Variants in PRIM2 observed in about 807,000 individuals in gnomAD.
PRIM2 encodes DNA primase large subunit.
Under a neutral mutation model 67.3 loss-of-function variants are expected in PRIM2, and 39 were observed. The observed-to-expected ratio is 0.58, with a 90% CI of 0.45 to 0.76. PRIM2 has a LOEUF of 0.76. Among genes scored for constraint, PRIM2 ranks in the 30% least tolerant of loss-of-function variants. The pLI, the probability that PRIM2 is intolerant of heterozygous loss-of-function variation, is 0.00. For missense variants in PRIM2, 398 were observed against 598.7 expected (o/e 0.66, Z 3.50); for synonymous variants, 143 against 198.7 (o/e 0.72, Z 2.36).
At chr6:57,555,001 C>G (rs1357370313) in intron 10 of PRIM2, among the ~76,000 whole-genome samples, 45 of 152,118 alleles carry the variant, frequency 3.0e-4, no homozygotes, top group Non-Finnish European at 5.9e-4. Context: ...AAAGATAAAC[C>G]AAAGTTCTAA....
At chr6:57,358,265 T>C (rs1769095664) in intron 5 of PRIM2, among the ~76,000 whole-genome samples, 1 of 152,244 alleles carries the variant, frequency 6.6e-6, no homozygotes, top group Non-Finnish European at 1.5e-5. Flanking sequence ...CAAATCACTT[T>C]TGGCTAATTG....
chr6:57,337,354 G>A (rs565027610), intron 5 of PRIM2, among the ~76,000 whole-genome samples: 21 of 152,086 alleles, frequency 1.4e-4, no homozygotes, highest in African/African-American at 5.1e-4. Flanking sequence ...TCTGCACCAA[G>A]CAGACCTAAT....
intron 12 of PRIM2, among the ~76,000 whole-genome samples, chr6:57,625,735 C>A (rs1336048869): frequency 3.9e-5 from 6 of 152,130 alleles, no homozygotes; most frequent in Non-Finnish European, 8.8e-5. Context: ...ACTCAGATAA[C>A]TTTGTTTATA....
intron 7 of PRIM2, among the ~76,000 whole-genome samples, chr6:57,386,378 A>G (rs1010865192): frequency 3.5e-5 from 5 of 144,122 alleles, no homozygotes; most frequent in African/African-American, 5.2e-5. Flanking sequence ...TAATCATGCC[A>G]TTGCACCCCA....
the PRIM2 span, among the ~76,000 whole-genome samples, chr6:57,235,255 G>C: frequency 6.6e-6 from 1 of 152,094 alleles, no homozygotes; most frequent in Admixed American, 6.5e-5. Flanking sequence ...GTGAGATCAG[G>C]AGCTCAAGAC....
chr6:57,335,613 A>G lies in PRIM2; in HGVS notation c.459+9568A>G, dbSNP rs538720011. ...CCCAGCAGGGGCAGACTGACACCTC[A>G]CATGGCCAGGTACTCCAACAGACCT... On this transcript the variant is annotated intron_variant, in intron 5 of 13. Coordinates refer to ENST00000615550, the MANE Select transcript of PRIM2 (RefSeq NM_000947.5). Among the ~76,000 whole-genome samples, 264 of 152,304 alleles carry G rather than the reference A, an allele frequency of 1.7e-3. 1 individual carries two copies. The highest frequency in any genetic ancestry group is 0.01 in the Middle Eastern group (3 of 294).
At position 57,537,447 on chromosome 6, in the gene PRIM2, C is replaced by T; in HGVS notation, c.842C>T (p.Thr281Ile). 1 of 1,399,514 alleles carries T rather than the reference C, an allele frequency of 7.1e-7. No individual in the cohort carries two copies. Among genetic ancestry groups the T allele is most frequent in the Non-Finnish European group, 9.8e-7 (1 of 1,017,780 alleles). The allele number at this position is 1,399,514 out of a possible 1,614,324, so 86.7% of individuals were successfully genotyped here. ...ISLDQIDLLS[T>I]KSFPPCMRQL... is the part of the protein sequence containing the mutation. ...ACTATTTTTTTCTTGTAGCTTTCTA[C>T]CAAATCCTTCCCACCTTGCATGCGT... Residue 281 changes from threonine (T) to isoleucine (I), a missense_variant, in exon 10 of 14, where the codon ACC becomes ATC. This residue lies in a region of PRIM2 where 229 missense variants were observed against 383.6 expected (regional missense o/e 0.60). Coordinates refer to ENST00000615550, the MANE Select transcript of PRIM2 (RefSeq NM_000947.5).
At chr6:57,339,162 CT>C (rs1382397214) in intron 5 of PRIM2, among the ~76,000 whole-genome samples, 1 of 151,966 alleles carries the variant, frequency 6.6e-6, no homozygotes, top group Non-Finnish European at 1.5e-5. Context: ...TGTGAAGGAC[CT>C]CTTCAAGGAG....
chr6:57,573,201 T>C (rs1775894841), intron 10 of PRIM2, among the ~76,000 whole-genome samples: 1 of 152,256 alleles, frequency 6.6e-6, no homozygotes, highest in South Asian at 2.1e-4. Flanking sequence ...AATTACTCTT[T>C]AAGCTGCACA....
chr6:57,330,700 G>A (rs184130050), intron 5 of PRIM2, among the ~76,000 whole-genome samples: 68 of 152,172 alleles, frequency 4.5e-4, no homozygotes, highest in Non-Finnish European at 7.8e-4. Context: ...GATCTCAGGG[G>A]AAAGCATTTA....
chr6:57,240,044 A>G, the PRIM2 span, among the ~76,000 whole-genome samples: 1 of 151,812 alleles, frequency 6.6e-6, no homozygotes, highest in African/African-American at 2.4e-5. Context: ...GAAGAGATAT[A>G]AATTATATAT....
chr6:57,315,326 C>G (rs1767458835), upstream of PRIM2, among the ~76,000 whole-genome samples: 1 of 150,874 alleles, frequency 6.6e-6, no homozygotes. Flanking sequence ...ATCACATTGT[C>G]CAGTGGTTCA....
At chr6:57,538,885 C>T (rs1775074549) in intron 10 of PRIM2, among the ~76,000 whole-genome samples, 1 of 152,194 alleles carries the variant, frequency 6.6e-6, no homozygotes, top group African/African-American at 2.4e-5. Flanking sequence ...CCACACTCAT[C>T]TGATCTCATT....
intron 7 of PRIM2, among the ~76,000 whole-genome samples, chr6:57,469,883 A>G (rs1773294934): frequency 6.6e-6 from 1 of 152,218 alleles, no homozygotes; most frequent in Non-Finnish European, 1.5e-5. Flanking sequence ...CAGAATTATA[A>G]ACTTCTGCTG....
chr6:57,606,463 T>C lies in PRIM2; in HGVS notation c.1230+6T>C, dbSNP rs1776564943. On this transcript the variant is annotated splice_donor_region_variant and intron_variant, in intron 12 of 13. Coordinates refer to ENST00000615550, the MANE Select transcript of PRIM2 (RefSeq NM_000947.5). ...CTCCTGGAGGGATAAGCCAGGTAGG[T>C]CATATTCTTCTCTCTGCATCTGCAG... 3 of 1,565,070 alleles carry C rather than the reference T, an allele frequency of 1.9e-6. No homozygotes were observed. The highest frequency in any genetic ancestry group is 3.5e-5 in the Admixed American group (2 of 57,578).
intron 7 of PRIM2, among the ~76,000 whole-genome samples, chr6:57,498,948 T>C (rs1296533464): frequency 6.6e-6 from 1 of 152,206 alleles, no homozygotes; most frequent in Non-Finnish European, 1.5e-5. Context: ...ATGAAAAATA[T>C]GTTCTTCCTA....
chr6:57,488,363 C>T lies in PRIM2; in HGVS notation c.694-19024C>T, dbSNP rs1232849583. On this transcript the variant is annotated intron_variant, in intron 7 of 13. Transcript: ENST00000615550. ...ATTATTGCCTTAGCAACAGCCTGCCCGCCTCATCTTTAATCTGCAAAGTAG... is the reference window on the plus strand; with the variant it reads ...ATTATTGCCTTAGCAACAGCCTGCCTGCCTCATCTTTAATCTGCAAAGTAG... 7.2e-5 allele frequency among the ~76,000 whole-genome samples: 11 copies of T among 152,276 alleles called. No homozygotes were observed. The South Asian group carries it at 1.0e-3, about 14-fold the overall frequency.
At chr6:57,395,043 A>G (rs1770476367) in intron 7 of PRIM2, among the ~76,000 whole-genome samples, 1 of 152,072 alleles carries the variant, frequency 6.6e-6, no homozygotes, top group Non-Finnish European at 1.5e-5. Context: ...TCTTTTTGAT[A>G]TGTTGTTGTA....
chr6:57,587,069 C>G (rs1776202344), intron 10 of PRIM2: 1 of 152,212 alleles, frequency 6.6e-6, no homozygotes, highest in African/African-American at 2.4e-5. Context: ...TACCATGACC[C>G]AGATATTGAA....
Sources: allele counts gnomAD v4.1 joint callset (sites outside exome capture counted in the v4.1 genomes callset), GRCh38; gene constraint gnomAD v4.1.1; regional missense constraint gnomAD v4.1.1; transcripts MANE v1.5; gene names NCBI Gene and HGNC (gene_info 2026-07-23, HGNC 2026-07-21).